Variants in EFCAB3 observed in about 807,000 individuals in gnomAD.
EFCAB3 encodes the protein EF-hand calcium binding domain 3.
Under a neutral mutation model 42.2 loss-of-function variants are expected in EFCAB3, and 36 were observed. The observed-to-expected ratio is 0.85, with a 90% CI of 0.65 to 1.13. The LOEUF (loss-of-function observed/expected upper bound fraction) is 1.13. Among genes scored for constraint, EFCAB3 ranks in the 50% most tolerant of loss-of-function variants. EFCAB3 has a pLI of 0.00. For missense variants in EFCAB3, 418 were observed against 505.1 expected (o/e 0.83, Z 1.65); for synonymous variants, 170 against 172.8 (o/e 0.98, Z 0.13).
chr17:62,372,068 G>A (rs1037248589), intron 1 of EFCAB3, among the ~76,000 whole-genome samples: 2 of 152,160 alleles, frequency 1.3e-5, no homozygotes, highest in East Asian at 1.9e-4. Flanking sequence ...ATGAAGAAAG[G>A]AGACATACTT....
intron 3 of EFCAB3, among the ~76,000 whole-genome samples, chr17:62,391,157 A>G (rs1318206366): frequency 6.6e-6 from 1 of 152,086 alleles, no homozygotes; most frequent in East Asian, 1.9e-4. Context: ...TCTGTGTCTT[A>G]TAGGACTGAA....
intron 2 of EFCAB3, among the ~76,000 whole-genome samples, chr17:62,384,835 T>C (rs2070234837): frequency 6.6e-6 from 1 of 152,198 alleles, no homozygotes; most frequent in Non-Finnish European, 1.5e-5. Flanking sequence ...AAACTCTACT[T>C]CAAATACTCA....
Position 62,395,191 on chromosome 17 carries a change from A to G in EFCAB3, c.488+3A>G, listed in dbSNP as rs545861066. On this transcript the variant is annotated splice_donor_region_variant and intron_variant, in intron 6 of 9. Transcript: ENST00000305286. Reference sequence around the variant, plus strand: ...AAGTCTATAATAGAAATAGTAAGGTAAGTGAGAAGGAAAGGAGCAAAAACA... The same window carrying G: ...AAGTCTATAATAGAAATAGTAAGGTGAGTGAGAAGGAAAGGAGCAAAAACA... 6.2e-7 allele frequency: 1 copy of G among 1,611,888 alleles called. No individual in the cohort carries two copies. Among genetic ancestry groups the G allele is most frequent in the East Asian group, 2.2e-5 (1 of 44,870 alleles).
chr17:62,383,643 G>C (rs1437177165), intron 2 of EFCAB3, among the ~76,000 whole-genome samples: 1 of 152,132 alleles, frequency 6.6e-6, no homozygotes, highest in Non-Finnish European at 1.5e-5. Context: ...GATAGGAAGA[G>C]CAGAATTCTC....
intron 3 of EFCAB3, among the ~76,000 whole-genome samples, chr17:62,390,348 G>A (rs1415127366): frequency 6.6e-6 from 1 of 152,204 alleles, no homozygotes; most frequent in African/African-American, 2.4e-5. Context: ...AGAGCATACA[G>A]TTTATTTGCA....
rs1043076473 is a variant in EFCAB3, at chr17:62,394,701, A to G, written c.368-367A>G. On this transcript the variant is annotated intron_variant, in intron 5 of 9. Coordinates refer to ENST00000305286, the MANE Select transcript of EFCAB3 (RefSeq NM_173503.4). The stretch of plus-strand genomic sequence containing the variant: ...AGTTTTGAAAATATATTCATTCATA[A>G]TCTATGAACTGTTCTTAGGATAAAG... Among the ~76,000 whole-genome samples, 9 of 152,328 alleles carry G rather than the reference A, an allele frequency of 5.9e-5. No individual in the cohort carries two copies. In the East Asian group the frequency reaches 1.2e-3, roughly 20 times the overall value.
chr17:62,406,693 T>C lies in EFCAB3; in HGVS notation c.682+20T>C. Reference sequence around the variant, plus strand: ...TCAAGAGTAAGAGCCATTTGTTCTCTCTCTACTGTTGTAAAGGATTTATTT... The same window carrying C: ...TCAAGAGTAAGAGCCATTTGTTCTCCCTCTACTGTTGTAAAGGATTTATTT... On this transcript the variant is annotated intron_variant, in intron 7 of 9. Coordinates refer to ENST00000305286, the MANE Select transcript of EFCAB3 (RefSeq NM_173503.4). 6.2e-7 allele frequency: 1 copy of C among 1,612,348 alleles called. No individual in the cohort carries two copies. The highest frequency in any genetic ancestry group is 1.1e-5 in the South Asian group (1 of 90,912).
chr17:62,403,485 C>G (rs2070421634), intron 6 of EFCAB3, among the ~76,000 whole-genome samples: 1 of 152,218 alleles, frequency 6.6e-6, no homozygotes, highest in Admixed American at 6.5e-5. Context: ...AAGTGGCCTA[C>G]AATGCCAAGC....
At chr17:62,406,400 T>C (rs1405739105) in intron 6 of EFCAB3, 80 bp from the exon 7 acceptor site, 3 of 1,184,598 alleles carry the variant, frequency 2.5e-6, no homozygotes, top group South Asian at 3.3e-5. Flanking sequence ...CTTCAGCATA[T>C]GTAACTAGCA....
At chr17:62,412,269 G>C (rs888434802) in intron 8 of EFCAB3, among the ~76,000 whole-genome samples, 1 of 149,960 alleles carries the variant, frequency 6.7e-6, no homozygotes, top group Admixed American at 6.7e-5. Flanking sequence ...CCAGCTACTA[G>C]GGAGGCTGAG....
At chr17:62,415,921 C>T in intron 9 of EFCAB3, 82 bp from the exon 10 acceptor site, 1 of 1,194,976 alleles carries the variant, frequency 8.4e-7, no homozygotes. Flanking sequence ...AGGGACATAA[C>T]TCTTGGGGTA....
intron 8 of EFCAB3, among the ~76,000 whole-genome samples, chr17:62,411,195 T>C (rs1333265295): frequency 6.6e-6 from 1 of 152,022 alleles, no homozygotes; most frequent in Non-Finnish European, 1.5e-5. Flanking sequence ...TTACAAGCCA[T>C]AAAAGGAAAT....
chr17:62,381,894 GC>G, intron 1 of EFCAB3: 2 of 391,278 alleles, frequency 5.1e-6, no homozygotes, highest in Non-Finnish European at 5.2e-6. Context: ...TGTCTCTGCT[GC>G]CCCAGGCTGT....
intron 2 of EFCAB3, among the ~76,000 whole-genome samples, chr17:62,385,847 G>C (rs1303498177): frequency 6.7e-6 from 1 of 149,348 alleles, no homozygotes; most frequent in Admixed American, 6.7e-5. Context: ...AGCCTCCGAA[G>C]TAGCTGGGAC....
intron 2 of EFCAB3, among the ~76,000 whole-genome samples, chr17:62,387,006 G>T (rs1456361466): frequency 6.6e-6 from 1 of 151,994 alleles, no homozygotes; most frequent in African/African-American, 2.4e-5. Flanking sequence ...TGCCCAAGCT[G>T]GTCTTGAACT....
At chr17:62,404,544 C>T (rs989968625) in intron 6 of EFCAB3, among the ~76,000 whole-genome samples, 2 of 152,104 alleles carry the variant, frequency 1.3e-5, no homozygotes, top group Admixed American at 6.5e-5. Flanking sequence ...CGCCTGTAAT[C>T]CCAGCACTTT....
At chr17:62,412,504 A>G (rs2070508057) in intron 8 of EFCAB3, among the ~76,000 whole-genome samples, 1 of 151,844 alleles carries the variant, frequency 6.6e-6, no homozygotes, top group African/African-American at 2.4e-5. Context: ...CAACTTTGTC[A>G]CCCAGGCTGG....
At chr17:62,398,951 C>A (rs963829418) in intron 6 of EFCAB3, among the ~76,000 whole-genome samples, 7 of 152,056 alleles carry the variant, frequency 4.6e-5, no homozygotes, top group African/African-American at 1.7e-4. Context: ...AAGCTCTGAG[C>A]AAGCACTTTA....
chr17:62,373,333 C>T (rs1044379602), intron 1 of EFCAB3, among the ~76,000 whole-genome samples: 1 of 151,566 alleles, frequency 6.6e-6, no homozygotes, highest in African/African-American at 2.4e-5. Flanking sequence ...CTCATCCTTG[C>T]CAGGCACAGT....
Sources: gnomAD v4.1 joint callset for allele counts (sites outside exome capture counted in the v4.1 genomes callset) on GRCh38, gnomAD v4.1.1 for gene constraint, MANE v1.5 for transcripts, NCBI Gene and HGNC (gene_info 2026-07-23, HGNC 2026-07-21) for gene names.